The following AAR2 variants were observed in gnomAD, a reference collection of about 807,000 sequenced individuals.
The protein encoded by AAR2 is AAR2 splicing factor.
A neutral mutation model predicts 26.9 loss-of-function variants in AAR2; 31 were observed. The observed-to-expected ratio is 1.15, with a 90% CI of 0.86 to 1.55. The LOEUF is 1.55. Ranked by LOEUF, AAR2 falls within the 40% of genes most tolerant of loss-of-function variation. The pLI, the probability that AAR2 is intolerant of heterozygous loss-of-function variation, is 0.00. For missense variants in AAR2, 430 were observed against 491.3 expected (o/e 0.88, Z 1.18); for synonymous variants, 188 against 196.1 (o/e 0.96, Z 0.34).
chr20:36,243,866 G>C (rs985767924), intron 2 of AAR2, among the ~76,000 whole-genome samples: 4 of 152,234 alleles, frequency 2.6e-5, no homozygotes, highest in African/African-American at 9.6e-5. Flanking sequence ...GCTAAGATTT[G>C]AAGCTAGGCA....
At position 36,240,822 on chromosome 20, in the gene AAR2, A is replaced by G. The variant is rs115506848; in HGVS notation, c.757+197A>G. 2.9e-3 allele frequency among the ~76,000 whole-genome samples: 441 copies of G among 152,272 alleles called. 3 individuals carry two copies. The highest frequency in any genetic ancestry group is 0.01 in the African/African-American group (421 of 41,568). On this transcript the variant is annotated intron_variant, in intron 2 of 3. Transcript: ENST00000320849. Reference sequence around the variant, plus strand: ...CTGGAGTGGGGCTTCCGCAGTTTCTATCTGTCTAATAAACAAACATCCTAG... The same window carrying G: ...CTGGAGTGGGGCTTCCGCAGTTTCTGTCTGTCTAATAAACAAACATCCTAG...
chr20:36,237,307 T>C (rs927017049), intron 1 of AAR2, among the ~76,000 whole-genome samples: 1 of 152,202 alleles, frequency 6.6e-6, no homozygotes, highest in African/African-American at 2.4e-5. Context: ...TGTGATTAGA[T>C]TGGCATTTTG....
chr20:36,247,460 G>A (rs1400948775), intron 3 of AAR2, among the ~76,000 whole-genome samples: 2 of 152,044 alleles, frequency 1.3e-5, no homozygotes, highest in Non-Finnish European at 2.9e-5. Context: ...TTCTTATCCT[G>A]TTCTCCAGCT....
chr20:36,252,500 A>G (rs911409562), intron 3 of AAR2, among the ~76,000 whole-genome samples: 1 of 151,930 alleles, frequency 6.6e-6, no homozygotes, highest in Non-Finnish European at 1.5e-5. Context: ...AGGAGCACCT[A>G]CTCCATCCTT....
At chr20:36,238,649 G>C (rs2064643338) in intron 1 of AAR2, among the ~76,000 whole-genome samples, 1 of 151,756 alleles carries the variant, frequency 6.6e-6, no homozygotes, top group African/African-American at 2.4e-5. Context: ...TCAGCTGCTT[G>C]GGAGGCTGAG....
In AAR2 at chr20:36,255,811, T is replaced by C; in HGVS notation, c.*66T>C. On this transcript the variant is annotated 3_prime_UTR_variant, in exon 4 of 4. Transcript: ENST00000320849. ...GGGCTGCAGTCCTGGCCTCTCCATT[T>C]ACTTCTTCCCATCCTGGGACCTGCC... 1 of 1,575,534 alleles carries C rather than the reference T, an allele frequency of 6.3e-7. No homozygotes were observed. Among genetic ancestry groups the C allele is most frequent in the Non-Finnish European group, 8.6e-7 (1 of 1,158,166 alleles).
intron 3 of AAR2, among the ~76,000 whole-genome samples, chr20:36,246,799 C>T (rs2064738358): frequency 6.6e-6 from 1 of 152,226 alleles, no homozygotes; most frequent in Non-Finnish European, 1.5e-5. Context: ...AACATTCAGT[C>T]TTTGAACTTT....
chr20:36,239,551 G>A (rs997942670), intron 1 of AAR2, among the ~76,000 whole-genome samples: 1 of 152,122 alleles, frequency 6.6e-6, no homozygotes, highest in African/African-American at 2.4e-5. Flanking sequence ...TCTAATTTGG[G>A]TCCTGGTATG....
At chr20:36,247,070 CAG>C (rs1246028716) in intron 3 of AAR2, among the ~76,000 whole-genome samples, 1 of 152,188 alleles carries the variant, frequency 6.6e-6, no homozygotes, top group Non-Finnish European at 1.5e-5. Flanking sequence ...GTGAGCAAGA[CAG>C]AGTCATTGTC....
rs947315322 is a variant in AAR2, at chr20:36,255,922, G to T, written c.*177G>T. 6 of 892,630 alleles carry T rather than the reference G, an allele frequency of 6.7e-6. No homozygotes were observed. Among genetic ancestry groups the T allele is most frequent in the African/African-American group, 3.4e-5 (2 of 59,210 alleles). 55.3% of individuals were successfully genotyped at this position (892,630 alleles called of 1,614,324 possible). ...AATATATTTCTTCATTGCCAAAGAG[G>T]CTGTACCCATCCTGAAGGCACATTT... On this transcript the variant is annotated 3_prime_UTR_variant, in exon 4 of 4. Coordinates refer to ENST00000320849, the MANE Select transcript of AAR2 (RefSeq NM_001271874.2).
chr20:36,252,387 G>A (rs1273944418), intron 3 of AAR2, among the ~76,000 whole-genome samples: 2 of 152,146 alleles, frequency 1.3e-5, no homozygotes, highest in South Asian at 4.1e-4. Context: ...TGAAAGAGCC[G>A]CTGCTGTGAG....
chr20:36,240,754 G>GT (rs1218793497), intron 2 of AAR2, 129 bp downstream of exon 2: 1 of 1,254,876 alleles, frequency 8.0e-7, no homozygotes, highest in African/African-American at 1.5e-5. Context: ...GAAGATACAG[G>GT]TGTGTCTTTA....
intron 3 of AAR2, among the ~76,000 whole-genome samples, chr20:36,254,970 T>C (rs2064807751): frequency 6.6e-6 from 1 of 152,200 alleles, no homozygotes; most frequent in Admixed American, 6.5e-5. Context: ...AATACTGTAC[T>C]GAAAGAAACA....
chr20:36,241,233 T>C (rs1167328688), intron 2 of AAR2, among the ~76,000 whole-genome samples: 1 of 152,236 alleles, frequency 6.6e-6, no homozygotes, highest in Non-Finnish European at 1.5e-5. Context: ...TCTGTGTATT[T>C]CTATGTATTT....
intron 3 of AAR2, among the ~76,000 whole-genome samples, chr20:36,248,812 G>A (rs898832818): frequency 6.6e-6 from 1 of 152,082 alleles, no homozygotes; most frequent in Admixed American, 6.5e-5. Context: ...GAAGGTGGGG[G>A]CATTTGACCA....
intron 3 of AAR2, 131 bp from the exon 4 acceptor site, chr20:36,255,444 GTGT>G: frequency 1.0e-6 from 1 of 980,242 alleles, no homozygotes; most frequent in Non-Finnish European, 1.5e-6. Flanking sequence ...AGCATAGCAG[GTGT>G]CCTGGGCCTA....
intron 3 of AAR2, among the ~76,000 whole-genome samples, chr20:36,246,165 T>C (rs982983273): frequency 6.6e-6 from 1 of 152,132 alleles, no homozygotes; most frequent in Non-Finnish European, 1.5e-5. Flanking sequence ...CAGGCCTGAG[T>C]CTTGGTTTCC....
intron 3 of AAR2, among the ~76,000 whole-genome samples, chr20:36,253,151 G>A (rs2064793854): frequency 7.0e-6 from 1 of 143,438 alleles, no homozygotes; most frequent in Non-Finnish European, 1.5e-5. Context: ...CACTGAAAAC[G>A]AGCCGCACTC....
intron 1 of AAR2, 73 bp from the exon 2 acceptor site, chr20:36,239,748 A>G (rs1331452489): frequency 8.4e-7 from 1 of 1,193,476 alleles, no homozygotes; most frequent in African/African-American, 1.5e-5. Flanking sequence ...AATATCTGGC[A>G]CATACAGAAT....
Sources: allele counts gnomAD v4.1 joint callset (sites outside exome capture counted in the v4.1 genomes callset), GRCh38; gene constraint gnomAD v4.1.1; transcripts MANE v1.5; gene names NCBI Gene and HGNC (gene_info 2026-07-23, HGNC 2026-07-21).